The following FHIT variants were observed in gnomAD, a reference collection of about 807,000 sequenced individuals.
FHIT encodes the protein fragile histidine triad diadenosine triphosphatase, also known as bis(5'-adenosyl)-triphosphatase.
FHIT carries 19 observed loss-of-function variants against 17.9 expected under a neutral mutation model. That is an observed-to-expected ratio of 1.06 (90% CI 0.74 to 1.56). FHIT has a LOEUF of 1.56. Among genes scored for constraint, FHIT ranks in the 40% most tolerant of loss-of-function variants. The pLI is 0.00. For missense variants in FHIT, 248 were observed against 189.2 expected (o/e 1.31, Z -1.82); for synonymous variants, 81 against 69.7 (o/e 1.16, Z -0.81).
intron 5 of FHIT, among the ~76,000 whole-genome samples, chr3:60,413,324 T>G (rs1007775782): frequency 8.6e-5 from 13 of 151,384 alleles, no homozygotes; most frequent in African/African-American, 3.2e-4. Flanking sequence ...AGACATGGAG[T>G]TAGGGTGAGT....
chr3:60,825,148 G>A (rs539395920), intron 3 of FHIT, among the ~76,000 whole-genome samples: 2 of 152,230 alleles, frequency 1.3e-5, no homozygotes, highest in Non-Finnish European at 1.5e-5. Flanking sequence ...CAATTTTACT[G>A]TATTATCAAA....
chr3:60,970,027 T>C (rs1490218453), intron 3 of FHIT, among the ~76,000 whole-genome samples: 1 of 152,090 alleles, frequency 6.6e-6, no homozygotes, highest in African/African-American at 2.4e-5. Flanking sequence ...TTTCGCCATG[T>C]TTTCCAGGCT....
chr3:60,206,082 G>A lies in FHIT; in HGVS notation c.104-191930C>T, dbSNP rs193193851. On this transcript the variant is annotated intron_variant, in intron 5 of 9. Transcript: ENST00000492590. ...CGGGAGGCGGAGCTTGCAGTGAGCC[G>A]AGATTGAGCCACTGCACTCCAGCCT... Among the ~76,000 whole-genome samples, 660 of 148,466 alleles carry A rather than the reference G, an allele frequency of 4.4e-3. 2 individuals carry two copies. Among genetic ancestry groups the A allele is most frequent in the African/African-American group, 0.016 (640 of 40,516 alleles).
At chr3:60,181,491 T>G (rs9882944) in intron 5 of FHIT, among the ~76,000 whole-genome samples, 10,165 of 152,150 alleles carry the variant, frequency 0.067, 967 homozygotes, top group East Asian at 0.43. Context: ...ACATCTAGGT[T>G]CAAAAAGGTA....
intron 3 of FHIT, among the ~76,000 whole-genome samples, chr3:60,944,224 T>C (rs2107431691): frequency 6.6e-6 from 1 of 152,324 alleles, no homozygotes; most frequent in South Asian, 2.1e-4. Flanking sequence ...AAACATTCTA[T>C]GAGAATATGC....
intron 5 of FHIT, among the ~76,000 whole-genome samples, chr3:60,392,842 G>A (rs1440348745): frequency 6.6e-6 from 1 of 152,132 alleles, no homozygotes; most frequent in Non-Finnish European, 1.5e-5. Flanking sequence ...CATGGAAACA[G>A]TTTTTTGGTA....
chr3:60,880,138 T>A (rs1273546745), intron 3 of FHIT, among the ~76,000 whole-genome samples: 1 of 152,116 alleles, frequency 6.6e-6, no homozygotes, highest in Non-Finnish European at 1.5e-5. Context: ...GAGAAATGTG[T>A]CACAGTACAT....
At chr3:61,190,099 T>C (rs1437432953) in intron 2 of FHIT, among the ~76,000 whole-genome samples, 3 of 151,988 alleles carry the variant, frequency 2.0e-5, no homozygotes, top group African/African-American at 7.2e-5. Context: ...CTAATTAAAC[T>C]AAAGCACTTC....
chr3:61,139,739 T>C (rs1411270079), intron 2 of FHIT, among the ~76,000 whole-genome samples: 2 of 152,194 alleles, frequency 1.3e-5, no homozygotes, highest in Non-Finnish European at 2.9e-5. Context: ...TCTTGGCTCA[T>C]GTATATGTGG....
At chr3:61,067,530 G>A (rs988309072) in intron 2 of FHIT, among the ~76,000 whole-genome samples, 3 of 139,992 alleles carry the variant, frequency 2.1e-5, no homozygotes. Context: ...TTTATTGGGG[G>A]TCAGCCACAT....
In FHIT at chr3:60,386,783, C is replaced by T. The variant is rs114117682; in HGVS notation, c.103+150077G>A. Among the ~76,000 whole-genome samples, 1,115 of 152,274 alleles carry T rather than the reference C, an allele frequency of 7.3e-3. 12 individuals carry two copies. Among genetic ancestry groups the T allele is most frequent in the Non-Finnish European group, 7.3e-3 (496 of 68,006 alleles). On this transcript the variant is annotated intron_variant, in intron 5 of 9. Coordinates refer to ENST00000492590, the MANE Select transcript of FHIT (RefSeq NM_002012.4). The stretch of plus-strand genomic sequence containing the variant: ...ATTTGTGAAGGGCCTACTGTGTGTG[C>T]GTTCCAGACGATATGTGGTAGGTGC...
chr3:60,748,686 C>T (rs2042406748), intron 4 of FHIT, among the ~76,000 whole-genome samples: 1 of 152,106 alleles, frequency 6.6e-6, no homozygotes, highest in Non-Finnish European at 1.5e-5. Flanking sequence ...GTGGCACACG[C>T]CTGTAATCCT....
At chr3:60,326,590 C>G (rs763109245) in intron 5 of FHIT, among the ~76,000 whole-genome samples, 48 of 152,232 alleles carry the variant, frequency 3.2e-4, no homozygotes, top group Non-Finnish European at 6.8e-4. Context: ...TGGACTGGTC[C>G]ATGACGCAGG....
intron 4 of FHIT, among the ~76,000 whole-genome samples, chr3:60,623,902 T>G (rs1559592248): frequency 6.6e-6 from 1 of 152,116 alleles, no homozygotes; most frequent in Non-Finnish European, 1.5e-5. Flanking sequence ...ACCCCCCACT[T>G]CAGGATCTCC....
chr3:60,599,306 A>C (rs1394051584), intron 4 of FHIT, among the ~76,000 whole-genome samples: 1 of 152,312 alleles, frequency 6.6e-6, no homozygotes, highest in African/African-American at 2.4e-5. Flanking sequence ...AGATTAGGTG[A>C]TATATCCACA....
chr3:60,402,473 G>C (rs1486807897), intron 5 of FHIT, among the ~76,000 whole-genome samples: 2 of 152,152 alleles, frequency 1.3e-5, no homozygotes, highest in African/African-American at 4.8e-5. Context: ...AGACCTGGCA[G>C]ATAGTGTCCT....
Position 60,014,097 on chromosome 3 carries a change from A to C in FHIT, c.159T>G (p.Asp53Glu). 1 of 1,614,104 alleles carries C rather than the reference A, an allele frequency of 6.2e-7. No homozygotes were observed. The highest frequency in any genetic ancestry group is 8.5e-7 in the Non-Finnish European group (1 of 1,179,978). The change falls in exon 6 of 10, where the codon GAT becomes GAG. Residue 53 changes from aspartate (D) to glutamate (E), a missense_variant. By Grantham distance (45) the Asp-to-Glu change is conservative. Transcript: ENST00000492590. ...TCGTCTGAAACAAATCGGCCACTTC[A>C]TCAGGACGCAGGTCATGGAAGCGCT... ...PVERFHDLRP[D>E]EVADLFQTTQ...
chr3:60,891,999 T>C (rs1449621364), intron 3 of FHIT, among the ~76,000 whole-genome samples: 2 of 152,210 alleles, frequency 1.3e-5, no homozygotes, highest in African/African-American at 2.4e-5. Flanking sequence ...CTTGAATCAA[T>C]GGACCTTAAA....
chr3:60,870,668 A>G (rs1704374344), intron 3 of FHIT, among the ~76,000 whole-genome samples: 1 of 152,142 alleles, frequency 6.6e-6, no homozygotes, highest in Admixed American at 6.6e-5. Flanking sequence ...ACACACAACT[A>G]TCTGATGCTC....
Sources: allele counts gnomAD v4.1 joint callset (sites outside exome capture counted in the v4.1 genomes callset), GRCh38; gene constraint gnomAD v4.1.1; transcripts MANE v1.5; gene names NCBI Gene and HGNC (gene_info 2026-07-23, HGNC 2026-07-21).